LDLRAD3: variants seen among roughly 807,000 people sequenced by gnomAD.
The protein encoded by LDLRAD3 is low density lipoprotein receptor class A domain containing 3, also known as low-density lipoprotein receptor class A domain-containing protein 3.
Under a neutral mutation model 29.4 loss-of-function variants are expected in LDLRAD3, and 20 were observed. The ratio of observed to expected loss-of-function variants is 0.68; its 90% CI spans 0.48 to 0.99. LDLRAD3 has a LOEUF of 0.99. LDLRAD3 is among the 50% of genes least tolerant of loss of function. The probability of loss-of-function intolerance (pLI) is 0.00; values close to 1 mark genes in which losing one functional copy is unlikely to be tolerated. For missense variants in LDLRAD3, 420 were observed against 454.3 expected, an observed-to-expected ratio of 0.92 and a Z score of 0.69; for synonymous variants, 157 against 192.7, an observed-to-expected ratio of 0.81 and a Z score of 1.53.
intron 4 of LDLRAD3, among the ~76,000 whole-genome samples, chr11:36,104,318 T>C (rs1293168444): frequency 6.6e-6 from 1 of 152,244 alleles, no homozygotes; most frequent in Middle Eastern, 3.2e-3. Context: ...ACACGCCGAC[T>C]GTAGCCTTGT....
chr11:36,202,529 G>A (rs192024491), intron 4 of LDLRAD3, among the ~76,000 whole-genome samples: 18 of 152,280 alleles, frequency 1.2e-4, no homozygotes, highest in East Asian at 9.7e-4. Context: ...AGTCACTTGC[G>A]TAGCAAATGG....
At chr11:35,967,944 C>G (rs763519401) in intron 1 of LDLRAD3, 1 of 393,492 alleles carries the variant, frequency 2.5e-6, no homozygotes, top group Non-Finnish European at 4.9e-6. Flanking sequence ...AAGCCAAATT[C>G]TCAGGTGAAA....
intron 4 of LDLRAD3, among the ~76,000 whole-genome samples, chr11:36,177,146 C>G (rs576046600): frequency 1.3e-4 from 19 of 151,910 alleles, no homozygotes; most frequent in African/African-American, 4.4e-4. Context: ...CTGAGTGTGT[C>G]TTTTATTTCC....
intron 4 of LDLRAD3, among the ~76,000 whole-genome samples, chr11:36,138,522 C>G (rs567140951): frequency 6.6e-6 from 1 of 152,328 alleles, no homozygotes; most frequent in East Asian, 1.9e-4. Context: ...TTTGACTGGA[C>G]TCACTCCAAC....
At chr11:36,118,572 G>C (rs1666278645) in intron 4 of LDLRAD3, among the ~76,000 whole-genome samples, 1 of 151,990 alleles carries the variant, frequency 6.6e-6, no homozygotes. Context: ...TTTCTGCCAA[G>C]TAGAAGCCCT....
chr11:35,985,800 T>G (rs1851607439), intron 1 of LDLRAD3, among the ~76,000 whole-genome samples: 1 of 152,006 alleles, frequency 6.6e-6, no homozygotes, highest in Non-Finnish European at 1.5e-5. Context: ...CCGCCATGAC[T>G]GTGAGGCCTC....
chr11:36,194,376 C>T (rs1442744375), intron 4 of LDLRAD3, among the ~76,000 whole-genome samples: 1 of 152,186 alleles, frequency 6.6e-6, no homozygotes, highest in Non-Finnish European at 1.5e-5. Context: ...CTAGCCAGAT[C>T]AGAACTTCTA....
intron 4 of LDLRAD3, chr11:36,110,115 A>G (rs557400555): frequency 2.2e-4 from 33 of 152,296 alleles, no homozygotes; most frequent in African/African-American, 7.7e-4. Context: ...CTTCTTAGTA[A>G]TAGAGTGTTT....
At chr11:36,035,692 G>A (rs1852294526) in intron 1 of LDLRAD3, among the ~76,000 whole-genome samples, 1 of 152,224 alleles carries the variant, frequency 6.6e-6, no homozygotes, top group Non-Finnish European at 1.5e-5. Context: ...GGGCTACAGA[G>A]TGTGAGGCCT....
intron 1 of LDLRAD3, among the ~76,000 whole-genome samples, chr11:36,015,365 T>C (rs1474329123): frequency 2.2e-5 from 3 of 134,246 alleles, no homozygotes; most frequent in Non-Finnish European, 4.7e-5. Context: ...TGTCATTGCA[T>C]TGTGAACTCT....
intron 4 of LDLRAD3, among the ~76,000 whole-genome samples, chr11:36,198,554 G>A (rs890763121): frequency 4.6e-5 from 7 of 152,152 alleles, no homozygotes; most frequent in Non-Finnish European, 1.0e-4. Context: ...GCTCAGTTCC[G>A]TGCCTGGTTT....
In LDLRAD3 at chr11:36,012,491, CTCT is replaced by C. The variant is rs566162644; in HGVS notation, c.47-23607_47-23605del. Among the ~76,000 whole-genome samples, 197 of 152,070 alleles carry C rather than the reference CTCT, an allele frequency of 1.3e-3. 2 individuals carry two copies. The highest frequency in any genetic ancestry group is 4.5e-3 in the African/African-American group (188 of 41,460). On this transcript the variant is annotated intron_variant, in intron 1 of 5. Coordinates refer to ENST00000315571, the MANE Select transcript of LDLRAD3 (RefSeq NM_174902.4). Reference sequence around the variant, plus strand: ...TGGCATACCTGAATTACCAGCATCACTCTTCTTGTGCTTTGGGGCCATTATTAA... The same window carrying C: ...TGGCATACCTGAATTACCAGCATCACTCTTGTGCTTTGGGGCCATTATTAA...
Position 36,190,238 on chromosome 11 carries a change from AG to A in LDLRAD3, c.455-36845del, listed in dbSNP as rs535142195. Among the ~76,000 whole-genome samples the A allele has an allele frequency of 1.2e-3, 182 of 152,372 alleles. 1 individual carries two copies. The highest frequency in any genetic ancestry group is 4.2e-3 in the African/African-American group (176 of 41,588). On this transcript the variant is annotated intron_variant, in intron 4 of 5. Transcript: ENST00000315571. ...CCTCTTTTAAAGGACTAAACAGGAA[AG>A]GACTCATAGAAATTTAACTTGAAAA...
chr11:36,059,704 A>G (rs1223429822), intron 2 of LDLRAD3, among the ~76,000 whole-genome samples: 1 of 151,974 alleles, frequency 6.6e-6, no homozygotes, highest in African/African-American at 2.4e-5. Flanking sequence ...TCAACACCCA[A>G]ACTACTTGTA....
At chr11:36,014,888 T>G (rs1852001258) in intron 1 of LDLRAD3, among the ~76,000 whole-genome samples, 1 of 152,246 alleles carries the variant, frequency 6.6e-6, no homozygotes, top group Non-Finnish European at 1.5e-5. Flanking sequence ...AAAAAATGTT[T>G]AAACAAAAGA....
At chr11:36,068,002 G>T (rs550137060) in intron 2 of LDLRAD3, among the ~76,000 whole-genome samples, 1 of 152,290 alleles carries the variant, frequency 6.6e-6, no homozygotes, top group South Asian at 2.1e-4. Flanking sequence ...TGTTGATACA[G>T]CTTCTGTTGT....
chr11:36,155,782 T>C (rs904558), intron 4 of LDLRAD3, among the ~76,000 whole-genome samples: 129,833 of 152,122 alleles, frequency 0.85, 55,503 homozygotes, highest in East Asian at 0.95. Flanking sequence ...AGTAGGTGCG[T>C]AGCAAGATTT....
intron 2 of LDLRAD3, 136 bp downstream of exon 2, chr11:36,036,385 T>A: frequency 1.1e-6 from 1 of 902,508 alleles, no homozygotes. Context: ...CCAGCAGTCC[T>A]GCTTCTTTGC....
chr11:35,992,784 G>T (rs1851706338), intron 1 of LDLRAD3, among the ~76,000 whole-genome samples: 1 of 152,112 alleles, frequency 6.6e-6, no homozygotes, highest in Non-Finnish European at 1.5e-5. Flanking sequence ...TGTGGTGATG[G>T]TTGCACAACT....
Sources: gnomAD v4.1 joint callset for allele counts (sites outside exome capture counted in the v4.1 genomes callset) on GRCh38, gnomAD v4.1.1 for gene constraint, MANE v1.5 for transcripts, NCBI Gene and HGNC (gene_info 2026-07-23, HGNC 2026-07-21) for gene names.